The following DOCK4 variants were observed in gnomAD, a reference collection of about 807,000 sequenced individuals.
DOCK4 encodes dedicator of cytokinesis protein 4.
DOCK4 carries 97 observed loss-of-function variants against 268.1 expected under a neutral mutation model. That is an observed-to-expected ratio of 0.36 (90% CI 0.31 to 0.43). The LOEUF (loss-of-function observed/expected upper bound fraction) is 0.43, where lower values mean the gene tolerates loss of function less well. Ranked by LOEUF, DOCK4 falls within the 20% of genes least tolerant of loss-of-function variation. The probability of loss-of-function intolerance (pLI) is 1.00; values close to 1 mark genes in which losing one functional copy is unlikely to be tolerated. For missense variants in DOCK4, 2,145 were observed against 2,455.7 expected (o/e 0.87, Z 2.67); for synonymous variants, 954 against 887.2 (o/e 1.08, Z -1.34).
At chr7:111,992,642 C>T (rs1018445099) in intron 5 of DOCK4, among the ~76,000 whole-genome samples, 6 of 152,138 alleles carry the variant, frequency 3.9e-5, no homozygotes, top group East Asian at 3.9e-4. Context: ...TTTGAAACCT[C>T]GAACACAGGT....
chr7:112,124,201 T>C (rs545410777), intron 1 of DOCK4, among the ~76,000 whole-genome samples: 7 of 152,200 alleles, frequency 4.6e-5, no homozygotes, highest in Admixed American at 2.0e-4. Context: ...TTTTATTTTT[T>C]GTAGAGACGA....
rs772670751 is a variant in DOCK4 at position 112,206,374 on chromosome 7, C to G, written c.-236G>C. 5.1e-6 allele frequency: 3 copies of G among 583,990 alleles called. No homozygotes were observed. The highest frequency in any genetic ancestry group is 9.0e-6 in the Non-Finnish European group (3 of 331,826). The allele number at this position is 583,990 out of a possible 1,614,324, so 36.2% of individuals were successfully genotyped here. On this transcript the variant is annotated 5_prime_UTR_variant, in exon 1 of 53. Coordinates refer to ENST00000428084, the MANE Select transcript of DOCK4 (RefSeq NM_001363540.2). ...GTCCTCCGACGCGCTCCCGGGTACCCGGCGGCGCAGTCATTGTTCTGATTC... is the reference window on the plus strand; with the variant it reads ...GTCCTCCGACGCGCTCCCGGGTACCGGGCGGCGCAGTCATTGTTCTGATTC...
intron 1 of DOCK4, among the ~76,000 whole-genome samples, chr7:112,196,521 G>A (rs957626909): frequency 6.6e-6 from 1 of 152,092 alleles, no homozygotes; most frequent in Non-Finnish European, 1.5e-5. Flanking sequence ...TCGTTTCTGA[G>A]AGTGGTCATC....
chr7:111,807,475 T>TC (rs1800760789), intron 30 of DOCK4: 2 of 127,120 alleles, frequency 1.6e-5, no homozygotes, highest in East Asian at 3.9e-4. Context: ...TGATAACTCT[T>TC]TTTTTTTTTT....
intron 12 of DOCK4, among the ~76,000 whole-genome samples, chr7:111,924,713 C>T (rs1167390798): frequency 6.6e-6 from 1 of 152,062 alleles, no homozygotes; most frequent in Non-Finnish European, 1.5e-5. Flanking sequence ...AAGGCCAGTT[C>T]AAGACCAACC....
At chr7:112,089,705 G>C (rs549884235) in intron 1 of DOCK4, among the ~76,000 whole-genome samples, 1 of 152,012 alleles carries the variant, frequency 6.6e-6, no homozygotes, top group African/African-American at 2.4e-5. Context: ...ATGAGATCTG[G>C]TTGTTTAAAG....
At chr7:111,988,662 T>C (rs1379241535) in intron 6 of DOCK4, among the ~76,000 whole-genome samples, 1 of 152,198 alleles carries the variant, frequency 6.6e-6, no homozygotes, top group Non-Finnish European at 1.5e-5. Context: ...AAAAGATATA[T>C]TTTAAAAGCA....
chr7:111,870,745 T>C (rs1413075027), intron 20 of DOCK4, among the ~76,000 whole-genome samples: 1 of 152,090 alleles, frequency 6.6e-6, no homozygotes, highest in Non-Finnish European at 1.5e-5. Flanking sequence ...TGCTAGTGAG[T>C]TTCTGATCAC....
At chr7:111,787,874 T>C (rs1316055775) in intron 32 of DOCK4, among the ~76,000 whole-genome samples, 1 of 152,230 alleles carries the variant, frequency 6.6e-6, no homozygotes, top group African/African-American at 2.4e-5. Context: ...AAGAAATACT[T>C]TGCACATATG....
intron 16 of DOCK4, among the ~76,000 whole-genome samples, chr7:111,881,016 G>C (rs538407249): frequency 6.6e-6 from 1 of 152,222 alleles, no homozygotes; most frequent in South Asian, 2.1e-4. Flanking sequence ...ACAGCGGTCT[G>C]GGCAAAAATT....
intron 51 of DOCK4, among the ~76,000 whole-genome samples, chr7:111,733,133 C>T (rs915040212): frequency 6.6e-6 from 1 of 152,132 alleles, no homozygotes; most frequent in Non-Finnish European, 1.5e-5. Flanking sequence ...CTGGGTATGT[C>T]GCTCTGTGAT....
intron 1 of DOCK4, among the ~76,000 whole-genome samples, chr7:112,105,267 A>G (rs939501584): frequency 2.0e-5 from 3 of 152,244 alleles, no homozygotes; most frequent in African/African-American, 7.2e-5. Flanking sequence ...AAATTGCAAT[A>G]AAGAACATAG....
Position 111,727,833 on chromosome 7 carries a change from T to C in DOCK4, c.*441A>G, listed in dbSNP as rs1017989812. ...ATCTGCACTGATAAACCTTGCCTTA[T>C]TTACAGAAGTCTTCTAAAATAAGGA... is the stretch of plus-strand genomic sequence containing the variant. On this transcript the variant is annotated 3_prime_UTR_variant, in exon 53 of 53. Transcript: ENST00000428084. The C allele has an allele frequency of 3.2e-5, 5 of 154,616 alleles. No homozygotes were observed. The highest frequency in any genetic ancestry group is 1.2e-4 in the African/African-American group (5 of 41,584). 9.6% of individuals were successfully genotyped at this position (154,616 alleles called of 1,614,324 possible).
At chr7:111,826,771 T>C (rs1802427659) in intron 26 of DOCK4, among the ~76,000 whole-genome samples, 2 of 152,114 alleles carry the variant, frequency 1.3e-5, no homozygotes, top group Non-Finnish European at 2.9e-5. Flanking sequence ...AAACTACCTA[T>C]TGGGTACTAC....
rs1257577228 is a variant in DOCK4 at position 112,023,582 on chromosome 7, C to T, written c.38-19451G>A. The stretch of plus-strand genomic sequence containing the variant: ...GAGACCAGAGATTTTAGGTTATTAG[C>T]CTTTCTACTATTTTTTAAATCAGTA... On this transcript the variant is annotated intron_variant, in intron 1 of 52. Coordinates refer to ENST00000428084, the MANE Select transcript of DOCK4 (RefSeq NM_001363540.2). 6.9e-6 allele frequency: 3 copies of T among 437,466 alleles called. No homozygotes were observed. In the Admixed American group the frequency reaches 8.0e-5, roughly 12 times the overall value. 27.1% of individuals were successfully genotyped at this position (437,466 alleles called of 1,614,324 possible). A position where few individuals can be genotyped will look rare whatever the true frequency, so the allele number is the denominator to read the frequency against.
intron 22 of DOCK4, among the ~76,000 whole-genome samples, chr7:111,866,135 C>T (rs1020751915): frequency 2.6e-5 from 4 of 152,158 alleles, no homozygotes; most frequent in Non-Finnish European, 5.9e-5. Context: ...ATTTGTTACA[C>T]AGCAATAGAA....
At chr7:111,861,633 C>T (rs1194640204) in intron 23 of DOCK4, among the ~76,000 whole-genome samples, 1 of 151,498 alleles carries the variant, frequency 6.6e-6, no homozygotes, top group African/African-American at 2.4e-5. Flanking sequence ...ATAATCCCAG[C>T]TACTCAGGAG....
intron 1 of DOCK4, among the ~76,000 whole-genome samples, chr7:112,071,104 T>TA (rs1458089114): frequency 5.9e-5 from 9 of 152,230 alleles, no homozygotes; most frequent in African/African-American, 2.2e-4. Flanking sequence ...GCCTTTGGGT[T>TA]ACCTGATAGT....
intron 36 of DOCK4, among the ~76,000 whole-genome samples, chr7:111,774,549 G>T (rs1415301732): frequency 2.0e-5 from 3 of 152,086 alleles, no homozygotes; most frequent in African/African-American, 7.2e-5. Flanking sequence ...ATGGGAGAAG[G>T]ATTGTGGGGC....
Sources: gnomAD v4.1 joint callset for allele counts (sites outside exome capture counted in the v4.1 genomes callset) on GRCh38, gnomAD v4.1.1 for gene constraint, MANE v1.5 for transcripts, NCBI Gene and HGNC (gene_info 2026-07-23, HGNC 2026-07-21) for gene names.